The following RIMS4 variants were observed in gnomAD, a reference collection of about 807,000 sequenced individuals.
RIMS4 encodes the protein regulating synaptic membrane exocytosis 4, also known as regulating synaptic membrane exocytosis protein 4.
Under a neutral mutation model 29.0 loss-of-function variants are expected in RIMS4, and 9 were observed. The observed-to-expected ratio is 0.31, with a 90% CI of 0.19 to 0.54. RIMS4 has a LOEUF of 0.54. RIMS4 is among the 20% of genes least tolerant of loss of function. The pLI is 0.94. For synonymous variants in RIMS4, 130 were observed against 152.9 expected, an observed-to-expected ratio of 0.85 and a Z score of 1.10; for missense variants, 193 against 365.7, an observed-to-expected ratio of 0.53 and a Z score of 3.85.
chr20:44,810,168 C>A lies in RIMS4; in HGVS notation c.97+7G>T. The A allele has an allele frequency of 6.4e-7, 1 of 1,574,468 alleles. No homozygotes were observed. The highest frequency in any genetic ancestry group is 1.7e-5 in the Admixed American group (1 of 57,942). ...CCGGGGGTCTGGGGGGCGGGCCGCGCGCTTACCTGCGTCCTCGTCGTCGAA... is the reference window on the plus strand; with the variant it reads ...CCGGGGGTCTGGGGGGCGGGCCGCGAGCTTACCTGCGTCCTCGTCGTCGAA... On this transcript the variant is annotated splice_region_variant and intron_variant, in intron 1 of 5. Coordinates refer to ENST00000372851, the MANE Select transcript of RIMS4 (RefSeq NM_182970.4).
In RIMS4 at chr20:44,810,519, C is replaced by CGGCGGCGGCGGT. The variant is rs1555866081; in HGVS notation, c.-249_-248insACCGCCGCCGCC. On this transcript the variant is annotated 5_prime_UTR_variant, in exon 1 of 6. Transcript: ENST00000372851. ...GCGGCGGCGGCGGCGGCGGCGGTGG[C>CGGCGGCGGCGGT]GGCGGCGGTGGCGGCGCAGCGCGCT... Among the ~76,000 whole-genome samples, 7 of 142,378 alleles carry CGGCGGCGGCGGT rather than the reference C, an allele frequency of 4.9e-5. No homozygotes were observed. Among genetic ancestry groups the CGGCGGCGGCGGT allele is most frequent in the Admixed American group, 2.1e-4 (3 of 14,430 alleles). 93.4% of individuals were successfully genotyped at this position (142,378 alleles called of 152,430 possible).
chr20:44,799,682 C>T (rs1117080), intron 1 of RIMS4, among the ~76,000 whole-genome samples: 1 of 152,016 alleles, frequency 6.6e-6, no homozygotes, highest in Non-Finnish European at 1.5e-5. Context: ...GAGATAAAGG[C>T]AGCAAACTTG....
intron 2 of RIMS4, among the ~76,000 whole-genome samples, chr20:44,763,842 G>A (rs2066096392): frequency 6.6e-6 from 1 of 152,206 alleles, no homozygotes. Context: ...AACAGCATCA[G>A]AAATTAAAAG....
At chr20:44,774,984 C>T (rs575550917) in intron 1 of RIMS4, among the ~76,000 whole-genome samples, 4 of 152,130 alleles carry the variant, frequency 2.6e-5, no homozygotes, top group East Asian at 1.9e-4. Context: ...TCCAGCCCAT[C>T]GATCCATCAG....
At chr20:44,794,096 T>C (rs2066244728) in intron 1 of RIMS4, among the ~76,000 whole-genome samples, 1 of 152,130 alleles carries the variant, frequency 6.6e-6, no homozygotes, top group African/African-American at 2.4e-5. Flanking sequence ...AATGAGACAG[T>C]ACCCAATTCT....
chr20:44,788,547 A>G (rs1290947164), intron 1 of RIMS4, among the ~76,000 whole-genome samples: 1 of 151,888 alleles, frequency 6.6e-6, no homozygotes, highest in East Asian at 1.9e-4. Context: ...CCAAAGCAGG[A>G]GGGTCATTTC....
chr20:44,793,157 C>T (rs2066240247), intron 1 of RIMS4, among the ~76,000 whole-genome samples: 1 of 152,154 alleles, frequency 6.6e-6, no homozygotes, highest in South Asian at 2.1e-4. Context: ...GAGGAAGGGC[C>T]ACCCTGGGCT....
In RIMS4 at chr20:44,752,319, C is replaced by T. The variant is rs566276436; in HGVS notation, c.*3815G>A. ...AATAAATGCAGGTGACCTTGCCTGA[C>T]GCAACAGCTGTGCCTCCAGAGGGGG... On this transcript the variant is annotated 3_prime_UTR_variant, in exon 6 of 6. Coordinates refer to ENST00000372851, the MANE Select transcript of RIMS4 (RefSeq NM_182970.4). The T allele has an allele frequency of 3.3e-5, 5 of 152,410 alleles. No homozygotes were observed. Among genetic ancestry groups the T allele is most frequent in the African/African-American group, 7.2e-5 (3 of 41,546 alleles). The allele number at this position is 152,410 out of a possible 1,614,324, so 9.4% of individuals were successfully genotyped here. A position where few individuals can be genotyped will look rare whatever the true frequency, so the allele number is the denominator to read the frequency against.
chr20:44,784,281 G>A (rs1157187988), intron 1 of RIMS4, among the ~76,000 whole-genome samples: 1 of 152,186 alleles, frequency 6.6e-6, no homozygotes, highest in East Asian at 1.9e-4. Context: ...GATGGGGTGG[G>A]GTTGGAAATG....
At chr20:44,762,217 G>A (rs1457601457) in intron 2 of RIMS4, among the ~76,000 whole-genome samples, 32 of 152,216 alleles carry the variant, frequency 2.1e-4, no homozygotes, top group Admixed American at 1.8e-3. Flanking sequence ...AGGCGGTAAC[G>A]CTCGCTCGCC....
rs1349529079 is a variant in RIMS4, at chr20:44,810,510, C to CGGCGGCGGT, written c.-240_-239insACCGCCGCC. 7.3e-6 allele frequency among the ~76,000 whole-genome samples: 1 copy of CGGCGGCGGT among 137,498 alleles called. No homozygotes were observed. Among genetic ancestry groups the CGGCGGCGGT allele is most frequent in the Non-Finnish European group, 1.6e-5 (1 of 63,938 alleles). The allele number at this position is 137,498 out of a possible 152,430, so 90.2% of individuals were successfully genotyped here. A position where few individuals can be genotyped will look rare whatever the true frequency, so the allele number is the denominator to read the frequency against. On this transcript the variant is annotated 5_prime_UTR_variant, in exon 1 of 6. Transcript: ENST00000372851. ...GTGCTGCTGGCGGCGGCGGCGGCGG[C>CGGCGGCGGT]GGCGGTGGCGGCGGCGGTGGCGGCG...
At chr20:44,802,206 G>T (rs1249380609) in intron 1 of RIMS4, among the ~76,000 whole-genome samples, 1 of 152,306 alleles carries the variant, frequency 6.6e-6, no homozygotes, top group East Asian at 1.9e-4. Context: ...TGTGCCGAGG[G>T]TTAAACATGC....
At chr20:44,779,329 T>G (rs1285129445) in intron 1 of RIMS4, among the ~76,000 whole-genome samples, 2 of 152,228 alleles carry the variant, frequency 1.3e-5, no homozygotes, top group Non-Finnish European at 2.9e-5. Context: ...ATTACAAAGT[T>G]CTACGGAACC....
At chr20:44,780,988 A>G (rs992426152) in intron 1 of RIMS4, among the ~76,000 whole-genome samples, 13 of 152,204 alleles carry the variant, frequency 8.5e-5, no homozygotes, top group Admixed American at 2.6e-4. Flanking sequence ...ATGCCCCTGG[A>G]AGGAAACGTT....
chr20:44,759,723 T>C (rs575190288), intron 2 of RIMS4, among the ~76,000 whole-genome samples: 11 of 152,310 alleles, frequency 7.2e-5, no homozygotes, highest in Non-Finnish European at 1.6e-4. Flanking sequence ...AAAAAGAGAA[T>C]CCTGGAGACT....
intron 1 of RIMS4, among the ~76,000 whole-genome samples, chr20:44,807,165 A>G (rs1035004618): frequency 2.0e-5 from 3 of 152,172 alleles, no homozygotes; most frequent in Non-Finnish European, 2.9e-5. Context: ...GAGCATCTCA[A>G]GAAGTAAGTT....
At chr20:44,786,372 T>A (rs905404546) in intron 1 of RIMS4, among the ~76,000 whole-genome samples, 15 of 152,118 alleles carry the variant, frequency 9.9e-5, no homozygotes, top group Non-Finnish European at 2.2e-4. Flanking sequence ...CACAGCCCCA[T>A]CCCATCCTTC....
chr20:44,755,939 G>A lies in RIMS4; in HGVS notation c.*195C>T, dbSNP rs1289370838. ...TCAAAAGTGTAGCCAATCCCGTTGG[G>A]AGAGGGGAGGTCTCGGGGGTAGGAG... On this transcript the variant is annotated 3_prime_UTR_variant, in exon 6 of 6. Transcript: ENST00000372851. 2 of 565,048 alleles carry A rather than the reference G, an allele frequency of 3.5e-6. No homozygotes were observed. Among genetic ancestry groups the A allele is most frequent in the East Asian group, 5.6e-5 (2 of 35,748 alleles). The allele number at this position is 565,048 out of a possible 1,614,324, so 35.0% of individuals were successfully genotyped here.
intron 1 of RIMS4, 94 bp downstream of exon 1, chr20:44,810,081 G>T (rs1458731392): frequency 3.1e-5 from 19 of 606,520 alleles, no homozygotes; most frequent in Non-Finnish European, 5.4e-5. Flanking sequence ...CAGGGGATTG[G>T]GGGTGGGGAG....
Sources: gnomAD v4.1 joint callset for allele counts (sites outside exome capture counted in the v4.1 genomes callset) on GRCh38, gnomAD v4.1.1 for gene constraint, MANE v1.5 for transcripts, NCBI Gene and HGNC (gene_info 2026-07-23, HGNC 2026-07-21) for gene names.